The following EEF2K variants were observed in gnomAD, a reference collection of about 807,000 sequenced individuals.
EEF2K encodes the protein alternative protein EEF2K.
A neutral mutation model predicts 93.8 loss-of-function variants in EEF2K; 70 were observed. That is an observed-to-expected ratio of 0.75 (90% CI 0.62 to 0.91). EEF2K has a LOEUF of 0.91. Among genes scored for constraint, EEF2K ranks in the 40% least tolerant of loss-of-function variants. EEF2K has a pLI of 0.00. For missense variants in EEF2K, 935 were observed against 972.9 expected (o/e 0.96, Z 0.52); for synonymous variants, 376 against 380.8 (o/e 0.99, Z 0.15).
chr16:22,241,463 G>A (rs983095683), intron 2 of EEF2K, among the ~76,000 whole-genome samples: 1 of 151,150 alleles, frequency 6.6e-6, no homozygotes, highest in African/African-American at 2.4e-5. Context: ...TGGCCAACAT[G>A]GTGAAACCCC....
intron 8 of EEF2K, 92 bp downstream of exon 8, chr16:22,257,477 C>A: frequency 6.4e-7 from 1 of 1,564,920 alleles, no homozygotes; most frequent in South Asian, 1.2e-5. Context: ...CAGGCTGAGA[C>A]ACTGTACGCG....
chr16:22,283,940 C>T lies in EEF2K; in HGVS notation c.2122C>T (p.Leu708=), dbSNP rs2047726253. ...AGCGATGGAAGCCATGAAGGGCCGA[C>T]TGGCCAACCAGTACTACCAAAAGGC... ...EAAMEAMKGR[L]ANQYYQKAEE... is the part of the protein sequence containing the mutation. Residue 708 remains leucine, a synonymous_variant, in exon 18 of 18, where the codon CTG becomes TTG. Coordinates refer to ENST00000263026, the MANE Select transcript of EEF2K (RefSeq NM_013302.5). 1 of 1,599,952 alleles carries T rather than the reference C, an allele frequency of 6.3e-7. No individual in the cohort carries two copies. Among genetic ancestry groups the T allele is most frequent in the East Asian group, 2.3e-5 (1 of 44,430 alleles).
chr16:22,229,647 G>A (rs185864511), intron 2 of EEF2K, among the ~76,000 whole-genome samples: 32 of 152,276 alleles, frequency 2.1e-4, no homozygotes, highest in Non-Finnish European at 3.8e-4. Context: ...GTTGCAGTGA[G>A]CCAAGATTGT....
At chr16:22,283,308 CAAAAAA>C (rs10540234) in intron 17 of EEF2K, among the ~76,000 whole-genome samples, 3 of 75,868 alleles carry the variant, frequency 4.0e-5, no homozygotes, top group Admixed American at 1.6e-4. Context: ...GACTCCATCT[CAAAAAA>C]AAAAAAAAAA....
At chr16:22,273,084 G>T (rs1299338529) in intron 15 of EEF2K, among the ~76,000 whole-genome samples, 1 of 152,176 alleles carries the variant, frequency 6.6e-6, no homozygotes, top group Admixed American at 6.5e-5. Context: ...TCAAGGGTGA[G>T]CCAAATGTAG....
chr16:22,244,242 A>G (rs1271705232), intron 2 of EEF2K, among the ~76,000 whole-genome samples: 1 of 150,064 alleles, frequency 6.7e-6, no homozygotes, highest in East Asian at 1.9e-4. Context: ...ATATATATAT[A>G]CGTTATATTC....
intron 2 of EEF2K, among the ~76,000 whole-genome samples, chr16:22,233,524 CAA>C (rs367738103): frequency 5.4e-5 from 7 of 128,636 alleles, no homozygotes; most frequent in Non-Finnish European, 6.8e-5. Context: ...ACTAAAAATA[CAA>C]AAAAAAAAAA....
intron 16 of EEF2K, among the ~76,000 whole-genome samples, chr16:22,277,324 G>C (rs1228177741): frequency 6.6e-6 from 1 of 152,000 alleles, no homozygotes; most frequent in African/African-American, 2.4e-5. Context: ...TTGTAGAGCT[G>C]GGGTTTTGCC....
At chr16:22,233,196 C>CGCACGT (rs2047133277) in intron 2 of EEF2K, among the ~76,000 whole-genome samples, 1 of 152,136 alleles carries the variant, frequency 6.6e-6, no homozygotes, top group Non-Finnish European at 1.5e-5. Context: ...CTGTGAAACT[C>CGCACGT]GCACGTACAC....
chr16:22,239,854 C>T (rs1038232347), intron 2 of EEF2K, among the ~76,000 whole-genome samples: 9 of 151,968 alleles, frequency 5.9e-5, no homozygotes, highest in South Asian at 2.1e-4. Context: ...CCTGTAATCC[C>T]AGCACTTTGG....
chr16:22,250,792 G>T (rs765830310), intron 5 of EEF2K, 101 bp downstream of exon 5: 140 of 1,483,418 alleles, frequency 9.4e-5, no homozygotes, highest in Non-Finnish European at 1.2e-4. Context: ...TGGAGCCAGG[G>T]GCCTCTGCCT....
At position 22,285,555 on chromosome 16, in the gene EEF2K, G is replaced by A. The variant is rs569506919; in HGVS notation, c.*1559G>A. Reference sequence around the variant, plus strand: ...AAAGATGCTAGGTGCGGTGGCTCCCGCCTGTAATCTCAGCACTTTGAGGAG... The same window carrying A: ...AAAGATGCTAGGTGCGGTGGCTCCCACCTGTAATCTCAGCACTTTGAGGAG... On this transcript the variant is annotated 3_prime_UTR_variant, in exon 18 of 18. Transcript: ENST00000263026. The A allele has an allele frequency of 5.3e-5, 8 of 152,232 alleles. No homozygotes were observed. The highest frequency in any genetic ancestry group is 3.9e-4 in the Admixed American group (6 of 15,276). 9.4% of individuals were successfully genotyped at this position (152,232 alleles called of 1,614,324 possible).
intron 13 of EEF2K, 167 bp downstream of exon 13, chr16:22,265,047 T>C: frequency 2.9e-6 from 2 of 695,110 alleles, no homozygotes; most frequent in South Asian, 1.8e-5. Context: ...TTTGAACCTC[T>C]GCAGGGCAGG....
Position 22,246,786 on chromosome 16 carries a change from TC to T in EEF2K, c.348-1966del, listed in dbSNP as rs1418633378. On this transcript the variant is annotated intron_variant, in intron 3 of 17. Transcript: ENST00000263026. ...CGGGTGCGATGGCTCACGCCTGTAA[TC>T]CCAACACTTTGGGAGGCTGAGGCAG... Among the ~76,000 whole-genome samples, 14 of 151,986 alleles carry T rather than the reference TC, an allele frequency of 9.2e-5. No homozygotes were observed. The South Asian group carries it at 2.3e-3, about 25-fold the overall frequency.
Position 22,257,704 on chromosome 16 carries a change from G to A in EEF2K, c.963G>A (p.Met321Ile), listed in dbSNP as rs1014036949. ...CCTGCAACCGGATTTGCGAGAGCAT[G>A]GGCCTTGCTCCCTTTGACCTCTCGC... ...SHACNRICES[M>I]GLAPFDLSPR... Residue 321 changes from methionine (M) to isoleucine (I), a missense_variant, in exon 9 of 18, where the codon ATG becomes ATA. Met to Ile is a conservative substitution (Grantham distance 10, BLOSUM62 1). Transcript: ENST00000263026. 2 of 1,614,018 alleles carry A rather than the reference G, an allele frequency of 1.2e-6. No individual in the cohort carries two copies. The highest frequency in any genetic ancestry group is 1.1e-5 in the South Asian group (1 of 91,086).
At chr16:22,230,437 C>G (rs982437775) in intron 2 of EEF2K, among the ~76,000 whole-genome samples, 1 of 152,144 alleles carries the variant, frequency 6.6e-6, no homozygotes, top group Non-Finnish European at 1.5e-5. Context: ...TGGTCTTTAA[C>G]TCTTGGCCTC....
chr16:22,264,115 GACCCCATCTCA>G (rs1367310128), intron 12 of EEF2K, among the ~76,000 whole-genome samples: 1 of 151,630 alleles, frequency 6.6e-6, no homozygotes, highest in Non-Finnish European at 1.5e-5. Context: ...CCAACGTGGT[GACCCCATCTCA>G]ACTCAAAATA....
In EEF2K at chr16:22,269,955, C is replaced by CT. The variant is rs60467730; in HGVS notation, c.1764+3094dup. Among the ~76,000 whole-genome samples the CT allele has an allele frequency of 7.2e-3, 1,022 of 141,766 alleles. 8 individuals carry two copies. Among genetic ancestry groups the CT allele is most frequent in the East Asian group, 0.034 (165 of 4,852 alleles). 93.0% of individuals were successfully genotyped at this position (141,766 alleles called of 152,430 possible). A position where few individuals can be genotyped will look rare whatever the true frequency, so the allele number is the denominator to read the frequency against. The stretch of plus-strand genomic sequence containing the variant: ...GTGGTATAGAGATAGCTTCCTGATT[C>CT]TTTTTTTTTTTTTTTAATTTGAGAC... On this transcript the variant is annotated intron_variant, in intron 15 of 17. Transcript: ENST00000263026.
intron 1 of EEF2K, among the ~76,000 whole-genome samples, chr16:22,210,354 G>A (rs1009654139): frequency 3.9e-5 from 6 of 152,158 alleles, no homozygotes; most frequent in Non-Finnish European, 8.8e-5. Context: ...CTAGGCCAGC[G>A]TTTCTCTAAC....
Sources: gnomAD v4.1 joint callset for allele counts (sites outside exome capture counted in the v4.1 genomes callset) on GRCh38, gnomAD v4.1.1 for gene constraint, MANE v1.5 for transcripts, NCBI Gene and HGNC (gene_info 2026-07-23, HGNC 2026-07-21) for gene names.